DPP10: variants seen among roughly 807,000 people sequenced by gnomAD.
DPP10 encodes the protein dipeptidyl peptidase like 10.
DPP10 carries 33 observed loss-of-function variants against 120.9 expected under a neutral mutation model. The observed-to-expected ratio is 0.27, with a 90% confidence interval of 0.21 to 0.37. DPP10 has a LOEUF of 0.37. DPP10 is among the 10% of genes least tolerant of loss of function. The probability of loss-of-function intolerance (pLI) is 1.00; values close to 1 mark genes in which losing one functional copy is unlikely to be tolerated. For synonymous variants in DPP10, 337 were observed against 326.1 expected, an observed-to-expected ratio of 1.03 and a Z score of -0.36; for missense variants, 816 against 942.8, an observed-to-expected ratio of 0.87 and a Z score of 1.76.
chr2:114,947,724 T>G (rs915835728), intron 1 of DPP10, among the ~76,000 whole-genome samples: 1 of 152,090 alleles, frequency 6.6e-6, no homozygotes, highest in African/African-American at 2.4e-5. Flanking sequence ...GAGTCTGAGT[T>G]AACTCTAAAA....
rs115501806 is a variant in DPP10 at position 114,482,189 on chromosome 2, A to G, written c.60+39351A>G. ...CCAAACCATATTAGTTACAGACTGTATAATTCCATTAATATAACATTTAAA... is the reference window on the plus strand; with the variant it reads ...CCAAACCATATTAGTTACAGACTGTGTAATTCCATTAATATAACATTTAAA... On this transcript the variant is annotated intron_variant, in intron 1 of 25. Transcript: ENST00000410059. Among the ~76,000 whole-genome samples, 625 of 152,262 alleles carry G rather than the reference A, an allele frequency of 4.1e-3. 4 individuals are homozygous for G. Among genetic ancestry groups the G allele is most frequent in the Admixed American group, 0.012 (190 of 15,248 alleles).
At chr2:115,506,344 G>C (rs2076941176) in intron 4 of DPP10, among the ~76,000 whole-genome samples, 1 of 152,056 alleles carries the variant, frequency 6.6e-6, no homozygotes, top group South Asian at 2.1e-4. Context: ...GCTCATTATA[G>C]AGCTAGAAAG....
chr2:115,749,358 T>C (rs189212481), intron 10 of DPP10, among the ~76,000 whole-genome samples: 1 of 152,224 alleles, frequency 6.6e-6, no homozygotes, highest in East Asian at 1.9e-4. Context: ...TTGTCCTTGG[T>C]TTCTTCTTAC....
intron 8 of DPP10, among the ~76,000 whole-genome samples, chr2:115,733,073 T>C (rs2092949216): frequency 6.6e-6 from 1 of 152,146 alleles, no homozygotes; most frequent in South Asian, 2.1e-4. Flanking sequence ...GCTTCATAGA[T>C]GACATGGGCC....
chr2:114,886,798 T>G (rs924611483), intron 1 of DPP10, among the ~76,000 whole-genome samples: 1 of 152,212 alleles, frequency 6.6e-6, no homozygotes, highest in Non-Finnish European at 1.5e-5. Flanking sequence ...GTCGAGGCCT[T>G]GCTCTGGCTG....
chr2:114,777,388 G>T (rs1449795836), intron 1 of DPP10, among the ~76,000 whole-genome samples: 1 of 152,068 alleles, frequency 6.6e-6, no homozygotes, highest in Non-Finnish European at 1.5e-5. Flanking sequence ...ATACATTTCT[G>T]AAGAGGGTTT....
chr2:114,858,259 GA>G (rs1689526753), intron 1 of DPP10, among the ~76,000 whole-genome samples: 2 of 152,188 alleles, frequency 1.3e-5, no homozygotes, highest in Admixed American at 6.5e-5. Flanking sequence ...AAAGTGCTGG[GA>G]TTACAGGCAT....
At chr2:114,793,305 A>G (rs1205930402) in intron 1 of DPP10, among the ~76,000 whole-genome samples, 6 of 150,510 alleles carry the variant, frequency 4.0e-5, no homozygotes, top group African/African-American at 1.5e-4. Context: ...CTAGTCCCCC[A>G]CCCCCAGACA....
chr2:114,666,616 A>G (rs1371771346), intron 1 of DPP10, among the ~76,000 whole-genome samples: 1 of 152,204 alleles, frequency 6.6e-6, no homozygotes, highest in East Asian at 1.9e-4. Context: ...AGTCCCATGT[A>G]TATGCAAGAC....
intron 1 of DPP10, among the ~76,000 whole-genome samples, chr2:114,504,657 C>G (rs1031894234): frequency 6.6e-6 from 1 of 152,172 alleles, no homozygotes; most frequent in African/African-American, 2.4e-5. Flanking sequence ...AGCCACTATT[C>G]TCAACACATG....
intron 3 of DPP10, among the ~76,000 whole-genome samples, chr2:115,461,831 C>T (rs532922357): frequency 6.6e-6 from 1 of 152,114 alleles, no homozygotes; most frequent in East Asian, 1.9e-4. Flanking sequence ...TTCCGATGTT[C>T]TGATTGTGGA....
At chr2:115,521,605 A>ATTTTTTT (rs79361161) in intron 4 of DPP10, among the ~76,000 whole-genome samples, 1 of 143,556 alleles carries the variant, frequency 7.0e-6, no homozygotes, top group Non-Finnish European at 1.5e-5. Flanking sequence ...TCTAATCCTT[A>ATTTTTTT]TTTTTTTTTT....
chr2:115,288,801 A>C (rs1284291617), intron 1 of DPP10, among the ~76,000 whole-genome samples: 2 of 152,132 alleles, frequency 1.3e-5, no homozygotes, highest in African/African-American at 4.8e-5. Flanking sequence ...CCTCAAAGTA[A>C]TAAAAACCAC....
chr2:115,733,640 C>A (rs900614822), intron 8 of DPP10, among the ~76,000 whole-genome samples: 1 of 150,700 alleles, frequency 6.6e-6, no homozygotes, highest in Non-Finnish European at 1.5e-5. Flanking sequence ...AAGTAGCATC[C>A]TCAGGAAATC....
intron 1 of DPP10, among the ~76,000 whole-genome samples, chr2:114,573,412 T>A (rs2105030489): frequency 6.6e-6 from 1 of 152,204 alleles, no homozygotes; most frequent in East Asian, 1.9e-4. Flanking sequence ...AAAGCACCGA[T>A]AGTTCCACAC....
chr2:115,827,414 G>GTGTATATATATA (rs1271865370), intron 21 of DPP10, among the ~76,000 whole-genome samples: 32 of 75,438 alleles, frequency 4.2e-4, no homozygotes, highest in Non-Finnish European at 6.9e-4. Flanking sequence ...ATGTGTGTGT[G>GTGTATATATATA]TATATATATA....
rs1476179847 is a variant in DPP10 at position 115,842,263 on chromosome 2, A to C, written c.2309A>C (p.Tyr770Ser). Residue 770 changes from tyrosine to serine, a missense_variant, in exon 26 of 26, where the codon TAC (tyrosine) becomes TCC (serine). Tyr to Ser is a moderately radical substitution (Grantham distance 144, BLOSUM62 -2). Transcript: ENST00000410059. ...NVSEKSKYHL[Y>S]STILKFFSDC... ...TCTGAGAAGAGCAAGTATCATCTCT[A>C]CAGCACAATCCTCAAATTCTTCAGT... The C allele has an allele frequency of 6.2e-7, 1 of 1,613,990 alleles. No individual in the cohort carries two copies. The highest frequency in any genetic ancestry group is 8.5e-7 in the Non-Finnish European group (1 of 1,179,908).
At chr2:114,651,335 C>A (rs1173251521) in intron 1 of DPP10, among the ~76,000 whole-genome samples, 1 of 152,096 alleles carries the variant, frequency 6.6e-6, no homozygotes, top group Non-Finnish European at 1.5e-5. Flanking sequence ...GCCAGACTTC[C>A]TCATTTTTCT....
intron 1 of DPP10, among the ~76,000 whole-genome samples, chr2:115,015,215 G>A (rs1368626299): frequency 2.0e-5 from 3 of 152,084 alleles, no homozygotes; most frequent in African/African-American, 4.8e-5. Flanking sequence ...ATCAGTAAAC[G>A]TAACCCATTA....
Sources: gnomAD v4.1 joint callset for allele counts (sites outside exome capture counted in the v4.1 genomes callset) on GRCh38, gnomAD v4.1.1 for gene constraint, MANE v1.5 for transcripts, NCBI Gene and HGNC (gene_info 2026-07-23, HGNC 2026-07-21) for gene names.